Variants in VPS13A observed in about 807,000 individuals in gnomAD.
VPS13A encodes intermembrane lipid transfer protein VPS13A.
VPS13A carries 264 observed loss-of-function variants against 390.9 expected under a neutral mutation model. The ratio of observed to expected loss-of-function variants is 0.68; its 90% confidence interval spans 0.61 to 0.75. The LOEUF (loss-of-function observed/expected upper bound fraction) is 0.75, where lower values mean the gene tolerates loss of function less well. VPS13A is among the 30% of genes least tolerant of loss of function. The pLI, the probability that VPS13A is intolerant of heterozygous loss-of-function variation, is 0.00. For synonymous variants in VPS13A, 1,231 were observed against 1,227.1 expected (o/e 1.00, Z -0.07); for missense variants, 3,409 against 3,733.9 (o/e 0.91, Z 2.27).
At chr9:77,220,864 A>T (rs1823171781) in intron 12 of VPS13A, among the ~76,000 whole-genome samples, 1 of 152,112 alleles carries the variant, frequency 6.6e-6, no homozygotes, top group Admixed American at 6.5e-5. Context: ...AGAAGTTACA[A>T]TTACTCTTTC....
intron 31 of VPS13A, among the ~76,000 whole-genome samples, chr9:77,290,574 T>C (rs1415665359): frequency 6.6e-6 from 1 of 152,128 alleles, no homozygotes; most frequent in Non-Finnish European, 1.5e-5. Flanking sequence ...AAATTCTTGC[T>C]GGATTTCTGT....
At chr9:77,240,842 T>A (rs1824447051) in intron 19 of VPS13A, among the ~76,000 whole-genome samples, 1 of 152,190 alleles carries the variant, frequency 6.6e-6, no homozygotes, top group African/African-American at 2.4e-5. Context: ...CCTTAACACA[T>A]TGAAGAGGGC....
chr9:77,298,366 G>T (rs998852791), intron 33 of VPS13A, among the ~76,000 whole-genome samples: 3 of 152,192 alleles, frequency 2.0e-5, no homozygotes, highest in African/African-American at 4.8e-5. Context: ...GACATATGAA[G>T]AAGAATGCTG....
intron 68 of VPS13A, among the ~76,000 whole-genome samples, chr9:77,399,351 A>C (rs1472592620): frequency 3.9e-5 from 6 of 152,178 alleles, no homozygotes; most frequent in Non-Finnish European, 8.8e-5. Context: ...TACTTATACC[A>C]GATGCTGTTG....
chr9:77,376,453 T>C (rs1833082048), intron 67 of VPS13A, among the ~76,000 whole-genome samples: 1 of 152,144 alleles, frequency 6.6e-6, no homozygotes, highest in Non-Finnish European at 1.5e-5. Flanking sequence ...TGAGTGACAA[T>C]GGTGATTCGA....
chr9:77,380,214 G>A (rs1461984932), intron 67 of VPS13A, among the ~76,000 whole-genome samples: 1 of 151,904 alleles, frequency 6.6e-6, no homozygotes, highest in African/African-American at 2.4e-5. Flanking sequence ...CTCCTTTTTA[G>A]TTGCAACCAG....
At chr9:77,314,780 C>A in intron 37 of VPS13A, 116 bp downstream of exon 37, 1 of 1,003,888 alleles carries the variant, frequency 1.0e-6, no homozygotes, top group Non-Finnish European at 1.5e-6. Context: ...TTCTTTAAAG[C>A]TTCAATTCAG....
At chr9:77,248,325 C>T (rs2131262434) in intron 20 of VPS13A, among the ~76,000 whole-genome samples, 1 of 151,620 alleles carries the variant, frequency 6.6e-6, no homozygotes, top group South Asian at 2.1e-4. Context: ...ATGCCATTCT[C>T]CTGCCCCAGC....
intron 11 of VPS13A, 93 bp downstream of exon 11, chr9:77,220,174 A>T (rs1823112048): frequency 6.6e-7 from 1 of 1,511,768 alleles, no homozygotes; most frequent in African/African-American, 1.4e-5. Flanking sequence ...TCATGATGTT[A>T]TATGGTAGCA....
Position 77,324,676 on chromosome 9 carries a change from T to C in VPS13A, c.5991+1449T>C, listed in dbSNP as rs116026096. On this transcript the variant is annotated intron_variant, in intron 45 of 71. Coordinates refer to ENST00000360280, the MANE Select transcript of VPS13A (RefSeq NM_033305.3). ...GAGGGATATTGGTCTAGAGTTTCAA[T>C]GTCTGTCTTTCTGTCTTTCTTTTCT... 2.1e-3 allele frequency among the ~76,000 whole-genome samples: 313 copies of C among 152,316 alleles called. 2 individuals are homozygous for C. Among genetic ancestry groups the C allele is most frequent in the African/African-American group, 7.1e-3 (297 of 41,588 alleles).
At position 77,418,869 on chromosome 9, in the gene VPS13A, T is replaced by C. The variant is rs988215076; in HGVS notation, c.*2863T>C. 6.6e-6 allele frequency: 1 copy of C among 152,114 alleles called. No individual in the cohort carries two copies. Among genetic ancestry groups the C allele is most frequent in the African/African-American group, 2.4e-5 (1 of 41,356 alleles). 9.4% of individuals were successfully genotyped at this position (152,114 alleles called of 1,614,324 possible). On this transcript the variant is annotated 3_prime_UTR_variant, in exon 72 of 72. Coordinates refer to ENST00000360280, the MANE Select transcript of VPS13A (RefSeq NM_033305.3). ...AAACATCCCACATAGTAGCATCGTA[T>C]TACTCTCTGGTAAAAAGAAAGATTA...
At position 77,303,053 on chromosome 9, in the gene VPS13A, AC is replaced by A; in HGVS notation, c.3953del (p.Pro1318GlnfsTer11). 6.2e-7 allele frequency: 1 copy of A among 1,613,948 alleles called. No homozygotes were observed. The highest frequency in any genetic ancestry group is 8.5e-7 in the Non-Finnish European group (1 of 1,179,934). On this transcript the variant is annotated frameshift_variant, in exon 34 of 72. Transcript: ENST00000360280. LOFTEE classifies it high-confidence loss of function. ...PCFNVNAQLKPMEFILSQEDI... is the reference protein window; with the variant it reads ...PCFNVNAQLKXMEFILSQEDI... ...GTTTTAATGTAAATGCTCAGCTGAA[AC>A]CAATGGAGGTAACTTTTTTTGGATA... is the stretch of plus-strand genomic sequence containing the variant.
chr9:77,342,835 C>T (rs1160726248), intron 50 of VPS13A, among the ~76,000 whole-genome samples: 4 of 152,166 alleles, frequency 2.6e-5, no homozygotes, highest in African/African-American at 9.7e-5. Context: ...CAATTACCAC[C>T]TGTGCTGGAA....
intron 34 of VPS13A, among the ~76,000 whole-genome samples, chr9:77,304,266 A>T (rs917734065): frequency 2.0e-5 from 3 of 152,178 alleles, no homozygotes; most frequent in East Asian, 1.9e-4. Flanking sequence ...CATACAACAC[A>T]TGTTTTTGTG....
intron 39 of VPS13A, 114 bp from the exon 40 acceptor site, chr9:77,317,492 A>T: frequency 1.4e-6 from 1 of 734,132 alleles, no homozygotes; most frequent in Admixed American, 2.6e-5. Flanking sequence ...CACTTTTTAA[A>T]TAGTTGTTTT....
At chr9:77,391,023 C>T (rs574361537) in intron 68 of VPS13A, among the ~76,000 whole-genome samples, 3 of 152,232 alleles carry the variant, frequency 2.0e-5, no homozygotes, top group Admixed American at 6.5e-5. Flanking sequence ...AGCCCAGGTA[C>T]GTTCAATTTG....
At chr9:77,382,196 T>G (rs1833479599) in intron 68 of VPS13A, 109 bp downstream of exon 68, 1 of 1,347,408 alleles carries the variant, frequency 7.4e-7, no homozygotes, top group African/African-American at 1.5e-5. Context: ...CTATTTTGCT[T>G]AATTCCACTT....
chr9:77,315,393 C>A lies in VPS13A; in HGVS notation c.4553C>A (p.Ala1518Glu), dbSNP rs747128181. 1.8e-5 allele frequency: 29 copies of A among 1,613,758 alleles called. No individual in the cohort carries two copies. The highest frequency in any genetic ancestry group is 2.4e-5 in the Non-Finnish European group (28 of 1,179,860). Residue 1518 changes from alanine to glutamate, a missense_variant, in exon 38 of 72, where the codon GCA becomes GAA. Around this residue, in one of 5 missense-constraint regions of VPS13A, gnomAD observed 2,717 missense variants for 2,917.4 expected, o/e 0.93. Transcript: ENST00000360280. ...AGCGTAGAATTTCTGCAGACTGTTG[C>A]AAATGTCTTTCTTGAGGCCTACACC... ...CASVEFLQTVANVFLEAYTTG... is the reference protein window; with the variant it reads ...CASVEFLQTVENVFLEAYTTG...
intron 23 of VPS13A, among the ~76,000 whole-genome samples, chr9:77,262,898 G>A (rs375627298): frequency 1.5e-3 from 234 of 152,216 alleles, no homozygotes; most frequent in African/African-American, 5.2e-3. Flanking sequence ...GAACATACAT[G>A]TGCATGTGTC....
Sources: allele counts gnomAD v4.1 joint callset (sites outside exome capture counted in the v4.1 genomes callset), GRCh38; gene constraint gnomAD v4.1.1; regional missense constraint gnomAD v4.1.1; transcripts MANE v1.5; gene names NCBI Gene and HGNC (gene_info 2026-07-23, HGNC 2026-07-21).